The following CTNNA2 variants were observed in gnomAD, a reference collection of about 807,000 sequenced individuals.
The protein encoded by CTNNA2 is catenin alpha 2.
CTNNA2 carries 42 observed loss-of-function variants against 101.0 expected under a neutral mutation model. The observed-to-expected ratio is 0.42, with a 90% CI of 0.32 to 0.54. The LOEUF (loss-of-function observed/expected upper bound fraction) is 0.54. Ranked by LOEUF, CTNNA2 falls within the 20% of genes least tolerant of loss-of-function variation. CTNNA2 has a pLI of 0.14. For missense variants in CTNNA2, 871 were observed against 1,223.1 expected, an observed-to-expected ratio of 0.71 and a Z score of 4.29; for synonymous variants, 450 against 456.4, an observed-to-expected ratio of 0.99 and a Z score of 0.18.
At chr2:80,260,671 G>T (rs1397945228) in intron 7 of CTNNA2, among the ~76,000 whole-genome samples, 1 of 152,158 alleles carries the variant, frequency 6.6e-6, no homozygotes, top group Non-Finnish European at 1.5e-5. Context: ...CAGAGACTGA[G>T]AAATCGTCAA....
At chr2:80,307,502 G>GT (rs899566732) in intron 7 of CTNNA2, among the ~76,000 whole-genome samples, 18 of 151,884 alleles carry the variant, frequency 1.2e-4, no homozygotes, top group African/African-American at 3.6e-4. Flanking sequence ...CTCACCTGAA[G>GT]TTTTTTTTCT....
intron 3 of CTNNA2, among the ~76,000 whole-genome samples, chr2:79,814,831 G>A (rs1316252201): frequency 6.6e-6 from 1 of 152,108 alleles, no homozygotes; most frequent in Non-Finnish European, 1.5e-5. Context: ...AGTACTTTTA[G>A]TTCTTTAAGT....
intron 1 of CTNNA2, among the ~76,000 whole-genome samples, chr2:79,597,867 A>G (rs553216680): frequency 6.6e-6 from 1 of 152,344 alleles, no homozygotes; most frequent in Admixed American, 6.5e-5. Flanking sequence ...ATGTATAATA[A>G]CATGTGTCTA....
intron 7 of CTNNA2, among the ~76,000 whole-genome samples, chr2:80,281,509 T>G (rs1674376416): frequency 6.6e-6 from 1 of 152,168 alleles, no homozygotes; most frequent in South Asian, 2.1e-4. Context: ...GGGCAATTTC[T>G]CCTTATGTCC....
At chr2:79,592,287 AT>A (rs764740849) in intron 1 of CTNNA2, among the ~76,000 whole-genome samples, 10 of 149,456 alleles carry the variant, frequency 6.7e-5, no homozygotes, top group Admixed American at 2.0e-4. Context: ...CGCCCAGCTA[AT>A]TTTTTTTTTA....
chr2:79,626,564 C>A (rs1022441659), intron 1 of CTNNA2, among the ~76,000 whole-genome samples: 1 of 151,064 alleles, frequency 6.6e-6, no homozygotes. Flanking sequence ...CTAGGAATGG[C>A]AAGATGGTTA....
intron 2 of CTNNA2, among the ~76,000 whole-genome samples, chr2:79,271,080 G>T (rs1027451991): frequency 6.6e-6 from 1 of 152,098 alleles, no homozygotes; most frequent in Non-Finnish European, 1.5e-5. Context: ...CTTTGGAAAA[G>T]TTATGAGACA....
intron 9 of CTNNA2, among the ~76,000 whole-genome samples, chr2:80,422,244 T>G (rs1680591617): frequency 6.6e-6 from 1 of 152,096 alleles, no homozygotes; most frequent in African/African-American, 2.4e-5. Context: ...GAAGTCCCCT[T>G]TATAAAACCA....
chr2:79,393,555 T>A (rs112583141), intron 4 of CTNNA2, among the ~76,000 whole-genome samples: 267 of 147,106 alleles, frequency 1.8e-3, no homozygotes, highest in African/African-American at 6.2e-3. Context: ...CAGCCACTCA[T>A]CTAGAGTAAG....
chr2:79,875,550 G>A (rs1414276346), intron 6 of CTNNA2, among the ~76,000 whole-genome samples: 1 of 151,964 alleles, frequency 6.6e-6, no homozygotes, highest in African/African-American at 2.4e-5. Flanking sequence ...TTAGCAGCTG[G>A]AAAAAAAGGT....
chr2:80,278,427 T>C (rs1306253634), intron 7 of CTNNA2, among the ~76,000 whole-genome samples: 1 of 152,132 alleles, frequency 6.6e-6, no homozygotes, highest in Non-Finnish European at 1.5e-5. Context: ...GTGGTTGAAG[T>C]TCTCACCCAT....
chr2:80,011,034 A>G (rs1428247010), intron 7 of CTNNA2, among the ~76,000 whole-genome samples: 1 of 152,068 alleles, frequency 6.6e-6, no homozygotes, highest in Non-Finnish European at 1.5e-5. Context: ...CCAGATGAAA[A>G]ACATGGAATT....
chr2:79,572,873 T>A (rs565956607), intron 1 of CTNNA2, among the ~76,000 whole-genome samples: 2 of 152,330 alleles, frequency 1.3e-5, no homozygotes, highest in African/African-American at 4.8e-5. Flanking sequence ...AATTTTAAAT[T>A]TCTTTTTTCT....
At chr2:79,760,425 C>A (rs1451704531) in intron 3 of CTNNA2, among the ~76,000 whole-genome samples, 4 of 151,866 alleles carry the variant, frequency 2.6e-5, no homozygotes, top group African/African-American at 9.7e-5. Context: ...AGCAAGTCCA[C>A]CATCTATAGG....
intron 4 of CTNNA2, among the ~76,000 whole-genome samples, chr2:79,407,722 G>A (rs899469488): frequency 9.9e-5 from 15 of 151,816 alleles, no homozygotes; most frequent in Admixed American, 2.6e-4. Context: ...CAGGTATACC[G>A]CAGACTGAAA....
intron 9 of CTNNA2, among the ~76,000 whole-genome samples, chr2:80,432,776 A>T (rs959801123): frequency 1.3e-5 from 2 of 152,070 alleles, no homozygotes; most frequent in Non-Finnish European, 2.9e-5. Context: ...ACCTTCCCTT[A>T]CCCACACACA....
chr2:80,206,095 G>A (rs746610038), intron 7 of CTNNA2, among the ~76,000 whole-genome samples: 1 of 152,122 alleles, frequency 6.6e-6, no homozygotes, highest in Non-Finnish European at 1.5e-5. Flanking sequence ...ACTCACCATT[G>A]CCTTTTTTCC....
chr2:80,144,394 AC>A (rs1434718282), intron 7 of CTNNA2, among the ~76,000 whole-genome samples: 1 of 152,208 alleles, frequency 6.6e-6, no homozygotes, highest in Non-Finnish European at 1.5e-5. Context: ...TAAGATCTGA[AC>A]CCGTAATATG....
chr2:80,020,847 C>G (rs1393156185), intron 7 of CTNNA2, among the ~76,000 whole-genome samples: 1 of 152,016 alleles, frequency 6.6e-6, no homozygotes, highest in Non-Finnish European at 1.5e-5. Context: ...CAAAGTTTTC[C>G]TTAGTCTATG....
Sources: gnomAD v4.1 joint callset for allele counts (sites outside exome capture counted in the v4.1 genomes callset) on GRCh38, gnomAD v4.1.1 for gene constraint, MANE v1.5 for transcripts, NCBI Gene and HGNC (gene_info 2026-07-23, HGNC 2026-07-21) for gene names.